PCDHA12: variants seen among roughly 807,000 people sequenced by gnomAD.
PCDHA12 encodes protocadherin alpha-12.
Under a neutral mutation model 60.0 loss-of-function variants are expected in PCDHA12, and 44 were observed. The observed-to-expected ratio is 0.73, with a 90% CI of 0.58 to 0.94. The LOEUF (loss-of-function observed/expected upper bound fraction) is 0.94. Among genes scored for constraint, PCDHA12 ranks in the 40% least tolerant of loss-of-function variants. The pLI is 0.00. For synonymous variants in PCDHA12, 569 were observed against 553.0 expected (o/e 1.03, Z -0.40); for missense variants, 1,276 against 1,239.7 (o/e 1.03, Z -0.44).
At chr5:140,903,609 A>G (rs565435427) in intron 1 of PCDHA12, among the ~76,000 whole-genome samples, 2 of 152,360 alleles carry the variant, frequency 1.3e-5, no homozygotes, top group Admixed American at 6.5e-5. Flanking sequence ...CTTAATACAC[A>G]TGAATGTGCA....
At chr5:140,969,930 C>T (rs1200018667) in intron 1 of PCDHA12, among the ~76,000 whole-genome samples, 1 of 152,178 alleles carries the variant, frequency 6.6e-6, no homozygotes, top group Non-Finnish European at 1.5e-5. Flanking sequence ...AGTATTTAGA[C>T]ATCATACTGA....
intron 1 of PCDHA12, among the ~76,000 whole-genome samples, chr5:140,956,861 A>T (rs2095316106): frequency 6.6e-6 from 1 of 152,194 alleles, no homozygotes; most frequent in Non-Finnish European, 1.5e-5. Flanking sequence ...TGGTTGAATG[A>T]ATGTGTGAAA....
intron 1 of PCDHA12, among the ~76,000 whole-genome samples, chr5:140,908,655 G>C (rs1419890192): frequency 6.6e-6 from 1 of 152,176 alleles, no homozygotes; most frequent in East Asian, 1.9e-4. Context: ...ATGGGGGCCT[G>C]CCAAAGGCTC....
chr5:140,920,745 G>T (rs2079798907), intron 1 of PCDHA12, among the ~76,000 whole-genome samples: 1 of 151,878 alleles, frequency 6.6e-6, no homozygotes, highest in Admixed American at 6.6e-5. Flanking sequence ...TCAGGAGGCT[G>T]AGGCAGGAGA....
At chr5:140,909,850 C>T (rs181576128) in intron 1 of PCDHA12, among the ~76,000 whole-genome samples, 30 of 152,294 alleles carry the variant, frequency 2.0e-4, no homozygotes, top group Admixed American at 5.9e-4. Flanking sequence ...AGGACGTTTT[C>T]GGTCCCCTGG....
At chr5:140,956,020 T>C (rs2095249402) in intron 1 of PCDHA12, among the ~76,000 whole-genome samples, 1 of 152,240 alleles carries the variant, frequency 6.6e-6, no homozygotes, top group Non-Finnish European at 1.5e-5. Context: ...TTTGCTGAAG[T>C]TGCTTATCAG....
At chr5:140,917,318 A>G (rs961734758) in intron 1 of PCDHA12, among the ~76,000 whole-genome samples, 1 of 99,850 alleles carries the variant, frequency 1.0e-5, no homozygotes, top group South Asian at 3.3e-4. Context: ...TTTGGTGTTC[A>G]TGTGGCGGGG....
chr5:140,900,360 C>T (rs952432002), intron 1 of PCDHA12, among the ~76,000 whole-genome samples: 2 of 152,168 alleles, frequency 1.3e-5, no homozygotes, highest in Non-Finnish European at 2.9e-5. Flanking sequence ...TCACCGCAAC[C>T]TCTGCCTCCT....
At chr5:140,938,508 A>G (rs1563167946) in intron 1 of PCDHA12, among the ~76,000 whole-genome samples, 1 of 152,046 alleles carries the variant, frequency 6.6e-6, no homozygotes, top group African/African-American at 2.4e-5. Context: ...AATTTATCAC[A>G]TATTTTCTGT....
chr5:140,928,461 C>T, intron 1 of PCDHA12: 2 of 1,614,108 alleles, frequency 1.2e-6, no homozygotes, highest in Non-Finnish European at 1.7e-6. Context: ...GGTTTCATTT[C>T]CAAGTAGAAG....
intron 1 of PCDHA12, among the ~76,000 whole-genome samples, chr5:140,924,551 AT>A (rs2153572839): frequency 6.6e-6 from 1 of 152,240 alleles, no homozygotes; most frequent in African/African-American, 2.4e-5. Context: ...TCTCCCCACC[AT>A]TTTAATCAGC....
intron 3 of PCDHA12, among the ~76,000 whole-genome samples, chr5:141,007,067 G>A (rs1352139121): frequency 1.3e-5 from 2 of 152,164 alleles, no homozygotes; most frequent in African/African-American, 4.8e-5. Flanking sequence ...AAAGGAGAGA[G>A]TGAAGAGAAA....
chr5:140,942,023 A>G (rs1391051051), intron 1 of PCDHA12, among the ~76,000 whole-genome samples: 2 of 152,208 alleles, frequency 1.3e-5, no homozygotes, highest in African/African-American at 4.8e-5. Context: ...TTGGGAAAAA[A>G]TAATTCATAA....
At chr5:140,898,597 G>C (rs1452719602) in intron 1 of PCDHA12, among the ~76,000 whole-genome samples, 12 of 152,188 alleles carry the variant, frequency 7.9e-5, no homozygotes, top group Admixed American at 1.3e-4. Context: ...CTGTAGCCTT[G>C]TAGTATAGTT....
chr5:140,892,595 AT>A (rs1385818954), intron 1 of PCDHA12, among the ~76,000 whole-genome samples: 1 of 151,958 alleles, frequency 6.6e-6, no homozygotes, highest in African/African-American at 2.4e-5. Flanking sequence ...TCATTCACCT[AT>A]TTTTTTCCTT....
intron 1 of PCDHA12, among the ~76,000 whole-genome samples, chr5:140,905,939 T>A (rs1583575409): frequency 6.6e-6 from 1 of 152,288 alleles, no homozygotes; most frequent in African/African-American, 2.4e-5. Context: ...GCTGAAGAAC[T>A]TGGAATCCGA....
At chr5:140,884,681 A>G (rs2060314464) in intron 1 of PCDHA12, 1 of 1,546,928 alleles carries the variant, frequency 6.5e-7, no homozygotes, top group Non-Finnish European at 8.7e-7. Flanking sequence ...ATATTTTAAA[A>G]AATTGTCTTA....
intron 1 of PCDHA12, among the ~76,000 whole-genome samples, chr5:140,956,723 A>G (rs536528599): frequency 6.6e-6 from 1 of 152,166 alleles, no homozygotes; most frequent in Non-Finnish European, 1.5e-5. Context: ...AAGAATTGGT[A>G]CCAGCTCCTC....
chr5:140,935,995 C>G (rs1282709145), intron 1 of PCDHA12, among the ~76,000 whole-genome samples: 1 of 150,774 alleles, frequency 6.6e-6, no homozygotes, highest in African/African-American at 2.4e-5. Context: ...CGGGTTCAAG[C>G]GATTCTCCCA....
Sources: gnomAD v4.1 joint callset for allele counts (sites outside exome capture counted in the v4.1 genomes callset) on GRCh38, gnomAD v4.1.1 for gene constraint, MANE v1.5 for transcripts, NCBI Gene and HGNC (gene_info 2026-07-23, HGNC 2026-07-21) for gene names.